The following SLC35F5 variants were observed in gnomAD, a reference collection of about 807,000 sequenced individuals.
The protein encoded by SLC35F5 is HCV NS5A-transactivated protein 3.
SLC35F5 carries 54 observed loss-of-function variants against 68.6 expected under a neutral mutation model. The ratio of observed to expected loss-of-function variants is 0.79; its 90% CI spans 0.63 to 0.99. The LOEUF (loss-of-function observed/expected upper bound fraction) is 0.99, where lower values mean the gene tolerates loss of function less well. SLC35F5 is among the 50% of genes least tolerant of loss of function. The probability of loss-of-function intolerance (pLI) is 0.00; values close to 1 mark genes in which losing one functional copy is unlikely to be tolerated. For synonymous variants in SLC35F5, 211 were observed against 205.2 expected (o/e 1.03, Z -0.24); for missense variants, 567 against 626.9 (o/e 0.90, Z 1.02).
At chr2:113,753,856 G>T (rs1241232323) in intron 3 of SLC35F5, among the ~76,000 whole-genome samples, 2 of 151,978 alleles carry the variant, frequency 1.3e-5, no homozygotes, top group East Asian at 3.8e-4. Context: ...TAAAAGATAG[G>T]TTTAGTTCCC....
Position 113,725,431 on chromosome 2 carries a change from G to A in SLC35F5, c.1197C>T (p.Cys399=), listed in dbSNP as rs1400743942. 10 of 1,609,426 alleles carry A rather than the reference G, an allele frequency of 6.2e-6. No homozygotes were observed. Among genetic ancestry groups the A allele is most frequent in the Non-Finnish European group, 8.5e-6 (10 of 1,177,248 alleles). The change falls in exon 12 of 16, where the codon TGC becomes TGT. Residue 399 remains cysteine, a synonymous_variant. Transcript: ENST00000245680. ...FEFPNKVVLM[C]IIINGLIGTV... ...TTCCAATAAGGCCATTAATGATAAT[G>A]CACATTAATACTACTTTATTGGGAA...
At chr2:113,746,026 C>T (rs1676469472) in intron 5 of SLC35F5, among the ~76,000 whole-genome samples, 1 of 152,126 alleles carries the variant, frequency 6.6e-6, no homozygotes. Flanking sequence ...AAGGATTGTC[C>T]TTTATTATTT....
At chr2:113,731,491 G>T in intron 10 of SLC35F5, 93 bp downstream of exon 10, 1 of 895,250 alleles carries the variant, frequency 1.1e-6, no homozygotes, top group Non-Finnish European at 1.8e-6. Context: ...CCCTGCTAGT[G>T]CCTACCCTTT....
chr2:113,703,907 C>A (rs1394166190), downstream of SLC35F5: 1 of 152,370 alleles, frequency 6.6e-6, no homozygotes, highest in Non-Finnish European at 1.5e-5. Context: ...TCACTGACTT[C>A]CAGAATGAAG....
Position 113,731,569 on chromosome 2 carries a change from G to C in SLC35F5, c.985+15C>G. ...TATTTACTCTAACAGAGAGAATCCAGAGTCCAGTACTTACCTACTGTGTCT... is the reference window on the plus strand; with the variant it reads ...TATTTACTCTAACAGAGAGAATCCACAGTCCAGTACTTACCTACTGTGTCT... On this transcript the variant is annotated intron_variant, in intron 10 of 15. Transcript: ENST00000245680. 1 of 1,606,306 alleles carries C rather than the reference G, an allele frequency of 6.2e-7. No homozygotes were observed.
chr2:113,750,706 T>C, intron 3 of SLC35F5, 138 bp from the exon 4 acceptor site: 3 of 703,332 alleles, frequency 4.3e-6, no homozygotes, highest in Non-Finnish European at 6.5e-6. Context: ...ATTACAAAAG[T>C]ATTTTAGATC....
intron 13 of SLC35F5, among the ~76,000 whole-genome samples, chr2:113,720,094 A>T (rs1239237183): frequency 2.0e-5 from 3 of 151,504 alleles, no homozygotes; most frequent in Non-Finnish European, 4.4e-5. Flanking sequence ...AAAAGAAAAT[A>T]AAAAATAATG....
At chr2:113,734,769 C>A (rs1688024017) in intron 8 of SLC35F5, 96 bp from the exon 9 acceptor site, 2 of 674,134 alleles carry the variant, frequency 3.0e-6, no homozygotes, top group South Asian at 3.9e-5. Flanking sequence ...AAATTATATA[C>A]CTACCTTTCA....
Position 113,731,577 on chromosome 2 carries a change from T to C in SLC35F5, c.985+7A>G, listed in dbSNP as rs1177924964. On this transcript the variant is annotated splice_region_variant and intron_variant, in intron 10 of 15. Transcript: ENST00000245680. ...CTAACAGAGAGAATCCAGAGTCCAG[T>C]ACTTACCTACTGTGTCTCTTCCAGC... The C allele has an allele frequency of 6.2e-7, 1 of 1,610,262 alleles. No individual in the cohort carries two copies. The highest frequency in any genetic ancestry group is 1.1e-5 in the South Asian group (1 of 91,008).
rs1269535773 is a variant in SLC35F5, at chr2:113,714,605, G to T, written c.*613C>A. On this transcript the variant is annotated 3_prime_UTR_variant, in exon 16 of 16. Coordinates refer to ENST00000245680, the MANE Select transcript of SLC35F5 (RefSeq NM_025181.5). ...ATACAAGGCACCTAATGCTATAAAA[G>T]AATAATACAGTAAATGTAGTGTAAG... 1.3e-5 allele frequency: 2 copies of T among 152,066 alleles called. No homozygotes were observed. The highest frequency in any genetic ancestry group is 2.9e-5 in the Non-Finnish European group (2 of 67,944). The allele number at this position is 152,066 out of a possible 1,614,324, so 9.4% of individuals were successfully genotyped here. A position where few individuals can be genotyped will look rare whatever the true frequency, so the allele number is the denominator to read the frequency against.
In SLC35F5 at chr2:113,711,664, AT is replaced by A. The variant is rs1478788297; in HGVS notation, c.*3553del. ...AACATCTCATTAATGCCACTTCACC[AT>A]TTAAAAAAGTCAGCACACAATGTTA... On this transcript the variant is annotated 3_prime_UTR_variant, in exon 16 of 16. Transcript: ENST00000245680. Among the ~76,000 whole-genome samples, 2 of 152,224 alleles carry A rather than the reference AT, an allele frequency of 1.3e-5. No individual in the cohort carries two copies. The highest frequency in any genetic ancestry group is 4.8e-5 in the African/African-American group (2 of 41,466).
chr2:113,756,262 C>T, intron 1 of SLC35F5, 108 bp downstream of exon 1: 1 of 1,540,684 alleles, frequency 6.5e-7, no homozygotes, highest in Admixed American at 2.0e-5. Flanking sequence ...TTCACGGTTT[C>T]GGTCAAGGCG....
intron 7 of SLC35F5, among the ~76,000 whole-genome samples, chr2:113,739,851 AGTAATGATTAACAGGTATTTT>A (rs928339984): frequency 3.9e-5 from 6 of 152,352 alleles, no homozygotes; most frequent in African/African-American, 1.4e-4. Flanking sequence ...TAATAACATA[AGTAATGATTAACAGGTATTTT>A]GTATGTTGTA....
rs780681672 is a variant in SLC35F5 at position 113,746,240 on chromosome 2, C to A, written c.480+37G>T. On this transcript the variant is annotated intron_variant, in intron 5 of 15. Transcript: ENST00000245680. ...CAGTTTTTCCTACCATGGCTCAACC[C>A]CACCTCTCTATTCCTGACAAGAAAA... 49 of 1,548,748 alleles carry A rather than the reference C, an allele frequency of 3.2e-5. No homozygotes were observed. In the East Asian group the frequency reaches 1.0e-3, roughly 33 times the overall value.
chr2:113,739,854 A>T (rs1020908901), intron 7 of SLC35F5, among the ~76,000 whole-genome samples: 1 of 152,242 alleles, frequency 6.6e-6, no homozygotes, highest in Non-Finnish European at 1.5e-5. Context: ...TAACATAAGT[A>T]ATGATTAACA....
rs1220475161 is a variant in SLC35F5, at chr2:113,708,933, T to C, written c.*6285A>G. Among the ~76,000 whole-genome samples, 1 of 152,212 alleles carries C rather than the reference T, an allele frequency of 6.6e-6. No homozygotes were observed. Among genetic ancestry groups the C allele is most frequent in the African/African-American group, 2.4e-5 (1 of 41,442 alleles). On this transcript the variant is annotated 3_prime_UTR_variant, in exon 16 of 16. Transcript: ENST00000245680. Reference sequence around the variant, plus strand: ...CAGCAACTCAGGGAAATTAGCCTATTCATCTGATATATTTGGCCTCCATAA... The same window carrying C: ...CAGCAACTCAGGGAAATTAGCCTATCCATCTGATATATTTGGCCTCCATAA...
intron 3 of SLC35F5, among the ~76,000 whole-genome samples, chr2:113,754,119 G>A (rs955612611): frequency 2.0e-5 from 3 of 151,796 alleles, no homozygotes; most frequent in Non-Finnish European, 4.4e-5. Flanking sequence ...GTGAAACCCC[G>A]TCTCTACTAA....
At chr2:113,749,365 T>C (rs1194288573) in intron 4 of SLC35F5, among the ~76,000 whole-genome samples, 1 of 152,188 alleles carries the variant, frequency 6.6e-6, no homozygotes, top group Non-Finnish European at 1.5e-5. Context: ...TGGGGTGTGG[T>C]GTTGCATGGC....
intron 11 of SLC35F5, 35 bp from the exon 12 acceptor site, chr2:113,725,572 G>T: frequency 6.6e-7 from 1 of 1,513,752 alleles, no homozygotes; most frequent in South Asian, 1.3e-5. Context: ...AGTTAAAATT[G>T]ATTTATTTCT....
Sources: allele counts gnomAD v4.1 joint callset (sites outside exome capture counted in the v4.1 genomes callset), GRCh38; gene constraint gnomAD v4.1.1; transcripts MANE v1.5; gene names NCBI Gene and HGNC (gene_info 2026-07-23, HGNC 2026-07-21).